The following FGF13 variants were observed in gnomAD, a reference collection of about 807,000 sequenced individuals.
The protein encoded by FGF13 is fibroblast growth factor 13.
A neutral mutation model predicts 19.5 loss-of-function variants in FGF13; 2 were observed. The observed-to-expected ratio is 0.10, with a 90% confidence interval of 0.04 to 0.32. FGF13 has a LOEUF of 0.32. Ranked by LOEUF, FGF13 falls within the 10% of genes least tolerant of loss-of-function variation. FGF13 has a pLI of 1.00. For synonymous variants in FGF13, 72 were observed against 76.9 expected (o/e 0.94, Z 0.33); for missense variants, 113 against 192.7 (o/e 0.59, Z 2.45).
intron 3 of FGF13, among the ~76,000 whole-genome samples, chrX:138,841,938 C>T (rs1032891220): frequency 8.1e-5 from 9 of 111,578 alleles, no homozygotes; most frequent in African/African-American, 2.9e-4. Flanking sequence ...AGCAACTAGC[C>T]CAGTGCCTGG....
chrX:138,974,393 C>T (rs768631761), intron 1 of FGF13, among the ~76,000 whole-genome samples: 1 of 111,506 alleles, frequency 9.0e-6, no homozygotes, highest in African/African-American at 3.3e-5. Flanking sequence ...TAGTGGAGCT[C>T]TCTGGCTGGT....
At chrX:139,063,804 G>T (rs1382818809) in intron 1 of FGF13, among the ~76,000 whole-genome samples, 3 of 111,485 alleles carry the variant, frequency 2.7e-5, no homozygotes, top group Non-Finnish European at 5.7e-5. Context: ...TGTTAGAAAA[G>T]AATTTGTATT....
chrX:138,778,595 T>C (rs1307108454), intron 3 of FGF13, among the ~76,000 whole-genome samples: 1 of 112,021 alleles, frequency 8.9e-6, no homozygotes, highest in African/African-American at 3.2e-5. Flanking sequence ...ACGCTAACAC[T>C]GCGCTTTTCC....
At chrX:138,761,960 G>T (rs150581781) in intron 3 of FGF13, among the ~76,000 whole-genome samples, 1,737 of 108,804 alleles carry the variant, frequency 0.016, 25 homozygotes, top group African/African-American at 0.055. Context: ...CTAGGTAAGT[G>T]CTATGCAATA....
At chrX:139,105,465 C>T (rs780770825) in intron 1 of FGF13, among the ~76,000 whole-genome samples, 46 of 111,868 alleles carry the variant, frequency 4.1e-4, no homozygotes, top group Admixed American at 2.9e-3. Flanking sequence ...CCAGAATCTA[C>T]CTTCATGCTC....
At chrX:138,850,430 G>A (rs1285207720) in intron 3 of FGF13, among the ~76,000 whole-genome samples, 1 of 111,943 alleles carries the variant, frequency 8.9e-6, no homozygotes, top group African/African-American at 3.2e-5. Context: ...AGCTGTAAGA[G>A]AAATAGAATT....
chrX:139,204,157 C>T (rs776628098), upstream of FGF13: 3 of 1,136,153 alleles, frequency 2.6e-6, no homozygotes, highest in South Asian at 3.6e-5. Flanking sequence ...AAGTCCTCGC[C>T]GAGCGGGTCG....
At chrX:138,951,190 T>C (rs776753586) in intron 1 of FGF13, among the ~76,000 whole-genome samples, 1 of 111,616 alleles carries the variant, frequency 9.0e-6, no homozygotes, top group East Asian at 2.8e-4. Context: ...AGCTGTCTTG[T>C]TGAATTCTAT....
intron 1 of FGF13, among the ~76,000 whole-genome samples, chrX:139,143,670 C>G (rs2083864552): frequency 9.0e-6 from 1 of 111,383 alleles, no homozygotes; most frequent in South Asian, 3.8e-4. Flanking sequence ...CCAAAATGTT[C>G]TCTGGACTTG....
chrX:138,624,685 G>C lies in FGF13; in HGVS notation c.*8165C>G, dbSNP rs1382000162. 1 of 111,445 alleles carries C rather than the reference G, an allele frequency of 9.0e-6. No individual in the cohort carries two copies. Among genetic ancestry groups the C allele is most frequent in the African/African-American group, 3.3e-5 (1 of 30,625 alleles). The allele number at this position is 111,445 out of a possible 1,213,427, so 9.2% of individuals were successfully genotyped here. A position where few individuals can be genotyped will look rare whatever the true frequency, so the allele number is the denominator to read the frequency against. ...GCTTGAGCCCAGGAGTTTTAGACCA[G>C]CCTGGGCAACAGGGTGAAACTCCAT... is the stretch of plus-strand genomic sequence containing the variant. On this transcript the variant is annotated 3_prime_UTR_variant, in exon 5 of 5. Coordinates refer to ENST00000315930, the MANE Select transcript of FGF13 (RefSeq NM_004114.5).
chrX:138,718,715 G>C (rs1442882828), intron 1 of FGF13, among the ~76,000 whole-genome samples: 2 of 111,821 alleles, frequency 1.8e-5, no homozygotes, highest in African/African-American at 6.5e-5. Flanking sequence ...GGTATATTCA[G>C]AGAAAATACT....
intron 1 of FGF13, among the ~76,000 whole-genome samples, chrX:138,997,042 T>A (rs892504373): frequency 3.6e-5 from 4 of 111,698 alleles, no homozygotes; most frequent in African/African-American, 1.3e-4. Flanking sequence ...GCAAACAGGG[T>A]TGGGAGTGGA....
At chrX:139,127,519 T>C (rs1603211975) in intron 1 of FGF13, among the ~76,000 whole-genome samples, 1 of 111,482 alleles carries the variant, frequency 9.0e-6, no homozygotes, top group Admixed American at 9.5e-5. Flanking sequence ...AGTGTAGTAA[T>C]GAAGAGGCCA....
At chrX:139,122,929 C>T (rs2083688330) in intron 1 of FGF13, among the ~76,000 whole-genome samples, 1 of 111,689 alleles carries the variant, frequency 9.0e-6, no homozygotes, top group African/African-American at 3.3e-5. Context: ...TGTGAGAGGC[C>T]GTCCTGTGCA....
chrX:139,192,134 G>C (rs748258861), intron 1 of FGF13, among the ~76,000 whole-genome samples: 7 of 112,035 alleles, frequency 6.2e-5, no homozygotes, highest in Non-Finnish European at 1.3e-4. Context: ...ATATGTGGAA[G>C]ATGAATAGGG....
intron 1 of FGF13, among the ~76,000 whole-genome samples, chrX:138,980,324 T>C (rs1370375700): frequency 9.0e-6 from 1 of 111,445 alleles, no homozygotes; most frequent in East Asian, 2.8e-4. Flanking sequence ...CTTCAGAATT[T>C]GTATTACTGG....
intron 3 of FGF13, chrX:138,806,979 G>A (rs2090873179): frequency 9.0e-6 from 1 of 111,003 alleles, no homozygotes; most frequent in Middle Eastern, 4.6e-3. Context: ...AAGCTGAAGG[G>A]GGTTGAGACT....
At chrX:138,984,039 G>A (rs2091975768) in intron 1 of FGF13, among the ~76,000 whole-genome samples, 1 of 111,877 alleles carries the variant, frequency 8.9e-6, no homozygotes, top group Admixed American at 9.5e-5. Flanking sequence ...GCTTTGACTA[G>A]TGAGCAATAA....
At chrX:138,929,202 A>T (rs1386760074) in intron 1 of FGF13, among the ~76,000 whole-genome samples, 2 of 108,620 alleles carry the variant, frequency 1.8e-5, no homozygotes, top group Non-Finnish European at 3.8e-5. Flanking sequence ...AGCTGATGTG[A>T]CTACAAGTGT....
Sources: allele counts gnomAD v4.1 joint callset (sites outside exome capture counted in the v4.1 genomes callset), GRCh38; gene constraint gnomAD v4.1.1; transcripts MANE v1.5; gene names NCBI Gene and HGNC (gene_info 2026-07-23, HGNC 2026-07-21).